The following EFCAB6 variants were observed in gnomAD, a reference collection of about 807,000 sequenced individuals.
The protein encoded by EFCAB6 is EF-hand calcium binding domain 6.
A neutral mutation model predicts 169.8 loss-of-function variants in EFCAB6; 156 were observed. The observed-to-expected ratio is 0.92, with a 90% CI of 0.81 to 1.05. The LOEUF (loss-of-function observed/expected upper bound fraction) is 1.05. Among genes scored for constraint, EFCAB6 ranks in the 50% least tolerant of loss-of-function variants. The pLI is 0.00. For missense variants in EFCAB6, 1,800 were observed against 1,829.1 expected (o/e 0.98, Z 0.29); for synonymous variants, 698 against 676.4 (o/e 1.03, Z -0.50).
At chr22:43,708,955 A>G (rs544353829) in intron 10 of EFCAB6, among the ~76,000 whole-genome samples, 1 of 152,334 alleles carries the variant, frequency 6.6e-6, no homozygotes, top group East Asian at 1.9e-4. Context: ...CCCTCGCTAG[A>G]ACAAGTTATA....
At chr22:43,535,515 C>T (rs1041057837) in intron 29 of EFCAB6, 5 of 152,136 alleles carry the variant, frequency 3.3e-5, no homozygotes, top group African/African-American at 4.8e-5. Context: ...TGCTGGTGGC[C>T]GAGAGGCTGG....
chr22:43,606,678 C>G (rs2052936505), intron 22 of EFCAB6, among the ~76,000 whole-genome samples: 1 of 152,234 alleles, frequency 6.6e-6, no homozygotes, highest in African/African-American at 2.4e-5. Context: ...AACCACTCAC[C>G]ATGTGTGGCA....
chr22:43,723,370 T>A (rs1232246345), intron 8 of EFCAB6, among the ~76,000 whole-genome samples: 3 of 152,184 alleles, frequency 2.0e-5, no homozygotes, highest in Non-Finnish European at 4.4e-5. Context: ...TATTGGGTGC[T>A]ATGCTCACTA....
chr22:43,599,439 G>A (rs62227017), intron 23 of EFCAB6, among the ~76,000 whole-genome samples: 9,464 of 140,684 alleles, frequency 0.067, 362 homozygotes, highest in Admixed American at 0.11. Flanking sequence ...GAACCCGGGA[G>A]GTGGAGGTTG....
intron 2 of EFCAB6, among the ~76,000 whole-genome samples, chr22:43,797,047 T>C (rs2062536270): frequency 6.6e-6 from 1 of 152,172 alleles, no homozygotes; most frequent in Non-Finnish European, 1.5e-5. Flanking sequence ...CTAAAAATTT[T>C]GGCCCAGGAG....
chr22:43,612,200 G>A lies in EFCAB6; in HGVS notation c.2563-3600C>T, dbSNP rs184347010. On this transcript the variant is annotated intron_variant, in intron 21 of 31. Transcript: ENST00000262726. ...CTCAAGATGAATAAAAGACTTAAAC[G>A]TCAAACTAAAAACTATAAAAACCCT... 7.9e-5 allele frequency among the ~76,000 whole-genome samples: 12 copies of A among 152,178 alleles called. No homozygotes were observed. In the East Asian group the frequency reaches 2.1e-3, roughly 27 times the overall value.
intron 21 of EFCAB6, among the ~76,000 whole-genome samples, chr22:43,615,269 T>C (rs1171025400): frequency 6.6e-6 from 1 of 152,212 alleles, no homozygotes; most frequent in Non-Finnish European, 1.5e-5. Context: ...GCAGTTCTAT[T>C]ATCTTGTAGG....
chr22:43,793,243 G>A (rs1476944354), intron 2 of EFCAB6, among the ~76,000 whole-genome samples: 2 of 152,184 alleles, frequency 1.3e-5, no homozygotes, highest in Non-Finnish European at 2.9e-5. Context: ...ACACTGCAGG[G>A]AGTACTCTTC....
chr22:43,738,688 C>T (rs1043674470), intron 6 of EFCAB6, among the ~76,000 whole-genome samples: 3 of 152,120 alleles, frequency 2.0e-5, no homozygotes, highest in East Asian at 1.9e-4. Context: ...CTTGCACATA[C>T]CCCATCCACA....
intron 19 of EFCAB6, among the ~76,000 whole-genome samples, chr22:43,629,017 A>G (rs2054730257): frequency 6.6e-6 from 1 of 152,212 alleles, no homozygotes; most frequent in East Asian, 1.9e-4. Context: ...CACAGACACC[A>G]TAACTGCAAC....
Position 43,635,178 on chromosome 22 carries a change from C to T in EFCAB6, c.2022G>A (p.Gln674=), listed in dbSNP as rs780101378. 4 of 1,614,050 alleles carry T rather than the reference C, an allele frequency of 2.5e-6. No homozygotes were observed. In the East Asian group the frequency reaches 6.7e-5, roughly 27 times the overall value. Residue 674 remains glutamine (Q), a synonymous_variant, in exon 18 of 32, where the codon CAG becomes CAA. Transcript: ENST00000262726. ...EDTGMPMDDD[Q]YALLTTKIGF... Reference sequence around the variant, plus strand: ...CTATTTTAGTGGTCAGCAGGGCATACTGATCATCGTCCATGGGCATCCCAG... The same window carrying T: ...CTATTTTAGTGGTCAGCAGGGCATATTGATCATCGTCCATGGGCATCCCAG...
At chr22:43,618,910 C>CTTTTTTT (rs11302149) in intron 20 of EFCAB6, among the ~76,000 whole-genome samples, 2 of 145,612 alleles carry the variant, frequency 1.4e-5, no homozygotes, top group Non-Finnish European at 3.0e-5. Context: ...TTCTCTCTCT[C>CTTTTTTT]TTTTTTTTTT....
intron 20 of EFCAB6, among the ~76,000 whole-genome samples, chr22:43,617,037 C>G (rs1228576573): frequency 6.6e-6 from 1 of 152,194 alleles, no homozygotes. Flanking sequence ...GTCTGCACCA[C>G]TGGTACTACA....
intron 9 of EFCAB6, 124 bp downstream of exon 9, chr22:43,716,724 T>C: frequency 8.4e-7 from 1 of 1,194,364 alleles, no homozygotes; most frequent in Non-Finnish European, 1.1e-6. Context: ...GTCTCAGTAT[T>C]GGAGAAGACA....
intron 17 of EFCAB6, among the ~76,000 whole-genome samples, chr22:43,664,553 A>G (rs2057155505): frequency 6.6e-6 from 1 of 152,210 alleles, no homozygotes; most frequent in Non-Finnish European, 1.5e-5. Flanking sequence ...TGCATTTGCA[A>G]TGGGAATGTC....
intron 20 of EFCAB6, among the ~76,000 whole-genome samples, chr22:43,619,263 A>G: frequency 6.6e-6 from 1 of 152,236 alleles, no homozygotes; most frequent in Admixed American, 6.5e-5. Context: ...AACAAAATTG[A>G]CATTAAAACC....
rs528784661 is a variant in EFCAB6, at chr22:43,710,860, G to C, written c.1031+615C>G. On this transcript the variant is annotated intron_variant, in intron 10 of 31. Transcript: ENST00000262726. ...CAATTTAGGGTAGGGAGTCAGGGGA[G>C]GGAGATAGGGAAACATGTAAAATGA... 2.7e-4 allele frequency among the ~76,000 whole-genome samples: 41 copies of C among 152,280 alleles called. No homozygotes were observed. The South Asian group carries it at 8.5e-3, about 32-fold the overall frequency.
intron 26 of EFCAB6, among the ~76,000 whole-genome samples, chr22:43,563,973 T>C (rs1430988093): frequency 2.0e-5 from 3 of 152,226 alleles, no homozygotes; most frequent in Admixed American, 6.5e-5. Flanking sequence ...CAGGCTCCAA[T>C]TGAGGTGAGG....
chr22:43,810,333 T>C (rs1352769830), intron 1 of EFCAB6, among the ~76,000 whole-genome samples: 1 of 151,976 alleles, frequency 6.6e-6, no homozygotes, highest in Non-Finnish European at 1.5e-5. Context: ...TGTGGACAAA[T>C]AGATGGAAAG....
Sources: allele counts gnomAD v4.1 joint callset (sites outside exome capture counted in the v4.1 genomes callset), GRCh38; gene constraint gnomAD v4.1.1; transcripts MANE v1.5; gene names NCBI Gene and HGNC (gene_info 2026-07-23, HGNC 2026-07-21).